The following WDPCP variants were observed in gnomAD, a reference collection of about 807,000 sequenced individuals.
WDPCP encodes WD repeat containing planar cell polarity effector.
WDPCP carries 71 observed loss-of-function variants against 93.1 expected under a neutral mutation model. The observed-to-expected ratio is 0.76, with a 90% CI of 0.63 to 0.93. The LOEUF (loss-of-function observed/expected upper bound fraction) is 0.93. Ranked by LOEUF, WDPCP falls within the 40% of genes least tolerant of loss-of-function variation. The probability of loss-of-function intolerance (pLI) is 0.00; values close to 1 mark genes in which losing one functional copy is unlikely to be tolerated. For synonymous variants in WDPCP, 315 were observed against 315.0 expected (o/e 1.00, Z 0.00); for missense variants, 844 against 887.4 (o/e 0.95, Z 0.62).
intron 14 of WDPCP, among the ~76,000 whole-genome samples, chr2:63,250,830 A>G (rs922998694): frequency 1.3e-5 from 2 of 152,192 alleles, no homozygotes; most frequent in African/African-American, 4.8e-5. Flanking sequence ...TGAGTGTTTT[A>G]TGGCACTATT....
intron 1 of WDPCP, among the ~76,000 whole-genome samples, chr2:63,514,995 G>A (rs1267954640): frequency 6.6e-6 from 1 of 152,106 alleles, no homozygotes; most frequent in African/African-American, 2.4e-5. Flanking sequence ...CTGCAGCTGT[G>A]TGTCTGTAAA....
At chr2:63,143,900 C>T (rs1217584084) in intron 17 of WDPCP, among the ~76,000 whole-genome samples, 1 of 152,144 alleles carries the variant, frequency 6.6e-6, no homozygotes, top group Non-Finnish European at 1.5e-5. Context: ...CTTTGGATAA[C>T]CTGATGACTA....
At chr2:63,611,408 A>G (rs1016780017) in intron 3 of WDPCP, among the ~76,000 whole-genome samples, 2 of 152,212 alleles carry the variant, frequency 1.3e-5, no homozygotes, top group Non-Finnish European at 2.9e-5. Flanking sequence ...ATGTACATTT[A>G]ATACCATTTT....
intron 6 of WDPCP, among the ~76,000 whole-genome samples, chr2:63,458,807 T>A (rs1170572216): frequency 1.3e-5 from 2 of 152,088 alleles, no homozygotes; most frequent in African/African-American, 4.8e-5. Context: ...TCTGGAGGCA[T>A]CACACTACCT....
At chr2:63,131,165 T>C (rs565381675) in intron 17 of WDPCP, among the ~76,000 whole-genome samples, 13 of 152,324 alleles carry the variant, frequency 8.5e-5, no homozygotes, top group African/African-American at 3.1e-4. Flanking sequence ...GACTAGTAGT[T>C]GGATTATTCA....
At chr2:63,159,759 G>A (rs1672523718) in intron 15 of WDPCP, among the ~76,000 whole-genome samples, 1 of 152,164 alleles carries the variant, frequency 6.6e-6, no homozygotes, top group Non-Finnish European at 1.5e-5. Flanking sequence ...GTACCATCCA[G>A]TAGCAAATAT....
intron 6 of WDPCP, among the ~76,000 whole-genome samples, chr2:63,457,451 C>A (rs191167883): frequency 7.2e-5 from 11 of 152,274 alleles, no homozygotes; most frequent in Non-Finnish European, 1.5e-4. Flanking sequence ...CTAACTCATT[C>A]TATGAGTCCA....
At chr2:63,434,370 CTT>C (rs1392397753) in intron 8 of WDPCP, among the ~76,000 whole-genome samples, 4 of 152,136 alleles carry the variant, frequency 2.6e-5, no homozygotes, top group Admixed American at 1.3e-4. Flanking sequence ...GGAAAAACAA[CTT>C]GAGGCAAATA....
intron 14 of WDPCP, among the ~76,000 whole-genome samples, chr2:63,177,546 T>C (rs1425388158): frequency 2.6e-5 from 4 of 152,344 alleles, no homozygotes; most frequent in Non-Finnish European, 4.4e-5. Context: ...TCATTTTTAG[T>C]GTCAGAAATG....
At chr2:63,515,818 G>A (rs1047655239) in intron 1 of WDPCP, among the ~76,000 whole-genome samples, 6 of 152,052 alleles carry the variant, frequency 3.9e-5, no homozygotes, top group Admixed American at 6.5e-5. Flanking sequence ...CCAGGAGTTC[G>A]AGACCAGCCT....
chr2:63,426,593 A>C (rs1047023866), intron 9 of WDPCP, among the ~76,000 whole-genome samples: 1 of 152,208 alleles, frequency 6.6e-6, no homozygotes, highest in Non-Finnish European at 1.5e-5. Flanking sequence ...TACCACAAAA[A>C]CACAAGTAAG....
rs1669562655 is a variant in WDPCP at position 63,121,791 on chromosome 2, T to G, written c.*215A>C. ...TTTACATTATTGAAAATAAGTAGGT[T>G]GAAGACTTTTACTTACGATCACTTT... On this transcript the variant is annotated 3_prime_UTR_variant, in exon 18 of 18. Coordinates refer to ENST00000272321, the MANE Select transcript of WDPCP (RefSeq NM_015910.7). The G allele has an allele frequency of 8.1e-7, 1 of 1,239,750 alleles. No individual in the cohort carries two copies. The highest frequency in any genetic ancestry group is 2.2e-5 in the South Asian group (1 of 44,704). The allele number at this position is 1,239,750 out of a possible 1,614,324, so 76.8% of individuals were successfully genotyped here.
At chr2:63,225,368 T>A (rs1391430511) in intron 14 of WDPCP, among the ~76,000 whole-genome samples, 1 of 151,302 alleles carries the variant, frequency 6.6e-6, no homozygotes, top group African/African-American at 2.4e-5. Flanking sequence ...TGGTTGGGGG[T>A]TGAGGATACC....
At chr2:63,451,835 G>A (rs987455039) in intron 6 of WDPCP, among the ~76,000 whole-genome samples, 10 of 152,122 alleles carry the variant, frequency 6.6e-5, no homozygotes, top group African/African-American at 1.7e-4. Flanking sequence ...CAGAACCAAC[G>A]ACAAAAACCA....
intron 2 of WDPCP, among the ~76,000 whole-genome samples, chr2:63,702,774 G>T (rs1669079763): frequency 6.6e-6 from 1 of 151,218 alleles, no homozygotes; most frequent in Non-Finnish European, 1.5e-5. Flanking sequence ...ACAACGTGCA[G>T]GTTTGTTACA....
intron 6 of WDPCP, among the ~76,000 whole-genome samples, chr2:63,464,423 G>A (rs1575470180): frequency 6.6e-6 from 1 of 152,234 alleles, no homozygotes; most frequent in East Asian, 1.9e-4. Context: ...GAATCCTCAT[G>A]CACTCCTGGT....
At chr2:63,745,875 A>C (rs1669788410) in intron 2 of WDPCP, among the ~76,000 whole-genome samples, 1 of 152,148 alleles carries the variant, frequency 6.6e-6, no homozygotes, top group Admixed American at 6.5e-5. Flanking sequence ...TCCCACCAGC[A>C]CAGCTGAGTT....
intron 12 of WDPCP, among the ~76,000 whole-genome samples, chr2:63,320,386 A>C (rs1686992622): frequency 6.6e-6 from 1 of 152,210 alleles, no homozygotes; most frequent in African/African-American, 2.4e-5. Context: ...GAAAGAATGA[A>C]AAGTAAGAGA....
At chr2:63,817,112 ATTTT>A (rs201959701) in intron 1 of WDPCP, among the ~76,000 whole-genome samples, 1 of 144,252 alleles carries the variant, frequency 6.9e-6, no homozygotes, top group African/African-American at 2.6e-5. Context: ...GAGCTGCTAC[ATTTT>A]TTTTTTTTTT....
Sources: allele counts gnomAD v4.1 joint callset (sites outside exome capture counted in the v4.1 genomes callset), GRCh38; gene constraint gnomAD v4.1.1; transcripts MANE v1.5; gene names NCBI Gene and HGNC (gene_info 2026-07-23, HGNC 2026-07-21).